GXYLT2: variants seen among roughly 807,000 people sequenced by gnomAD.
The protein encoded by GXYLT2 is glycosyltransferase 8 domain containing 4.
A neutral mutation model predicts 45.8 loss-of-function variants in GXYLT2; 53 were observed. That is an observed-to-expected ratio of 1.16 (90% CI 0.93 to 1.46). GXYLT2 has a LOEUF of 1.46. GXYLT2 is among the 40% of genes most tolerant of loss of function. The pLI, the probability that GXYLT2 is intolerant of heterozygous loss-of-function variation, is 0.00. For synonymous variants in GXYLT2, 219 were observed against 214.2 expected (o/e 1.02, Z -0.19); for missense variants, 551 against 544.4 (o/e 1.01, Z -0.12).
At chr3:72,905,383 G>T (rs1260696100) in intron 1 of GXYLT2, among the ~76,000 whole-genome samples, 1 of 152,166 alleles carries the variant, frequency 6.6e-6, no homozygotes, top group African/African-American at 2.4e-5. Context: ...CTCCTGCTGG[G>T]ATTATAGGCA....
intron 3 of GXYLT2, among the ~76,000 whole-genome samples, chr3:72,937,171 C>G (rs1224765373): frequency 6.6e-6 from 1 of 152,046 alleles, no homozygotes; most frequent in Non-Finnish European, 1.5e-5. Flanking sequence ...CCACCAGTGA[C>G]TCTTGGAACC....
At position 72,914,083 on chromosome 3, in the gene GXYLT2, T is replaced by G. The variant is rs565913082; in HGVS notation, c.468+5524T>G. ...ATTGTGGGCAACCCAGGGTTTTTTT[T>G]GGGATAACTTCTGGGAAGCTCAGGG... On this transcript the variant is annotated intron_variant, in intron 2 of 6. Coordinates refer to ENST00000389617, the MANE Select transcript of GXYLT2 (RefSeq NM_001080393.2). Among the ~76,000 whole-genome samples the G allele has an allele frequency of 2.0e-5, 3 of 152,230 alleles. No individual in the cohort carries two copies. In the East Asian group the frequency reaches 5.8e-4, roughly 29 times the overall value.
At chr3:72,893,636 T>C (rs1285979443) in intron 1 of GXYLT2, among the ~76,000 whole-genome samples, 1 of 152,214 alleles carries the variant, frequency 6.6e-6, no homozygotes, top group Non-Finnish European at 1.5e-5. Context: ...TAAATACTTG[T>C]TGAATGAACT....
intron 2 of GXYLT2, among the ~76,000 whole-genome samples, chr3:72,913,451 T>C (rs1709674579): frequency 6.6e-6 from 1 of 151,520 alleles, no homozygotes; most frequent in Admixed American, 6.6e-5. Context: ...TCCCAGCACT[T>C]TGGGAGGCCA....
chr3:72,888,117 C>T lies in GXYLT2; in HGVS notation c.-117C>T. On this transcript the variant is annotated 5_prime_UTR_variant, in exon 1 of 7. Transcript: ENST00000389617. Reference sequence around the variant, plus strand: ...GCCCGCCGGCCGCCACGACCCCAGTCCCCGGCGGGCGGGCGGAGGAGGCGA... The same window carrying T: ...GCCCGCCGGCCGCCACGACCCCAGTTCCCGGCGGGCGGGCGGAGGAGGCGA... 2 of 649,440 alleles carry T rather than the reference C, an allele frequency of 3.1e-6. No individual in the cohort carries two copies. Among genetic ancestry groups the T allele is most frequent in the South Asian group, 1.3e-4 (2 of 15,390 alleles). 40.2% of individuals were successfully genotyped at this position (649,440 alleles called of 1,614,324 possible). A position where few individuals can be genotyped will look rare whatever the true frequency, so the allele number is the denominator to read the frequency against.
At position 72,905,064 on chromosome 3, in the gene GXYLT2, CAAAAAAAAAAA is replaced by C. The variant is rs1177216917; in HGVS notation, c.276-3289_276-3279del. Among the ~76,000 whole-genome samples the C allele has an allele frequency of 4.7e-3, 171 of 36,248 alleles. 1 individual carries two copies. Among genetic ancestry groups the C allele is most frequent in the Non-Finnish European group, 9.8e-3 (145 of 14,772 alleles). The allele number at this position is 36,248 out of a possible 152,430, so 23.8% of individuals were successfully genotyped here. A position where few individuals can be genotyped will look rare whatever the true frequency, so the allele number is the denominator to read the frequency against. On this transcript the variant is annotated intron_variant, in intron 1 of 6. Coordinates refer to ENST00000389617, the MANE Select transcript of GXYLT2 (RefSeq NM_001080393.2). ...TGGGCAACAGAGTGAGATTCTGTCTCAAAAAAAAAAAAAAAAAAAAAAAAGGAAAGAAAAGA... is the reference window on the plus strand; with the variant it reads ...TGGGCAACAGAGTGAGATTCTGTCTCAAAAAAAAAAAAAGGAAAGAAAAGA...
At chr3:72,891,625 CT>C (rs1709184307) in intron 1 of GXYLT2, among the ~76,000 whole-genome samples, 1 of 152,150 alleles carries the variant, frequency 6.6e-6, no homozygotes, top group Non-Finnish European at 1.5e-5. Flanking sequence ...AATCTTCCTT[CT>C]ATTTTGGCTT....
rs370024978 is a variant in GXYLT2 at position 72,939,304 on chromosome 3, G to A, written c.601-15794G>A. ...TCTACTAAAAATACAAAAATTAGCC[G>A]GGCGTGGTGGCACCCAGCTACCTGG... On this transcript the variant is annotated intron_variant, in intron 3 of 6. Transcript: ENST00000389617. Among the ~76,000 whole-genome samples, 16 of 152,062 alleles carry A rather than the reference G, an allele frequency of 1.1e-4. 1 individual carries two copies. Among genetic ancestry groups the A allele is most frequent in the African/African-American group, 3.1e-4 (13 of 41,476 alleles).
At chr3:72,973,506 A>G (rs1482070818) in intron 6 of GXYLT2, among the ~76,000 whole-genome samples, 1 of 152,208 alleles carries the variant, frequency 6.6e-6, no homozygotes, top group Non-Finnish European at 1.5e-5. Context: ...CTGATTTATG[A>G]TTTAGAAATA....
At chr3:72,927,254 T>G (rs1346358065) in intron 3 of GXYLT2, 1 of 152,190 alleles carries the variant, frequency 6.6e-6, no homozygotes, top group Non-Finnish European at 1.5e-5. Flanking sequence ...AGTTATAGCT[T>G]TAACCTGTAA....
intron 3 of GXYLT2, among the ~76,000 whole-genome samples, chr3:72,925,759 T>A (rs1191588439): frequency 1.3e-5 from 2 of 151,186 alleles, no homozygotes; most frequent in African/African-American, 2.4e-5. Context: ...TACCATTATT[T>A]AAAAAAAAAC....
Position 72,922,253 on chromosome 3 carries a change from A to G in GXYLT2, c.518A>G (p.Tyr173Cys), listed in dbSNP as rs919485755. ...ACAAAGAAGTTTGAGCACAGAATCTACCCCATCACATTTTCTGTTGGAAAC... is the reference window on the plus strand; with the variant it reads ...ACAAAGAAGTTTGAGCACAGAATCTGCCCCATCACATTTTCTGTTGGAAAC... ...SYTKKFEHRIYPITFSVGNPQ... is the reference protein window; with the variant it reads ...SYTKKFEHRICPITFSVGNPQ... The change falls in exon 3 of 7, where the codon TAC becomes TGC. Residue 173 changes from tyrosine (Y) to cysteine (C), a missense_variant. Physicochemically the swap from Tyr to Cys is radical, Grantham distance 194 (BLOSUM62 -2). Transcript: ENST00000389617. 5.6e-6 allele frequency: 9 copies of G among 1,613,296 alleles called. No individual in the cohort carries two copies. In the African/African-American group the frequency reaches 9.4e-5, roughly 17 times the overall value.
intron 2 of GXYLT2, among the ~76,000 whole-genome samples, chr3:72,920,194 G>A (rs1391747137): frequency 6.6e-6 from 1 of 151,934 alleles, no homozygotes; most frequent in African/African-American, 2.4e-5. Flanking sequence ...GAGTGCAGTG[G>A]TCCAATCTTG....
chr3:72,943,305 C>T (rs1388661473), intron 3 of GXYLT2, among the ~76,000 whole-genome samples: 1 of 151,244 alleles, frequency 6.6e-6, no homozygotes, highest in African/African-American at 2.4e-5. Flanking sequence ...TGAATAAATA[C>T]AATAGAGTAC....
chr3:72,903,299 C>G (rs987590119), intron 1 of GXYLT2, among the ~76,000 whole-genome samples: 1 of 152,142 alleles, frequency 6.6e-6, no homozygotes, highest in Non-Finnish European at 1.5e-5. Context: ...GTTTGTTACG[C>G]TTTTTGTTTT....
intron 3 of GXYLT2, among the ~76,000 whole-genome samples, chr3:72,929,763 A>T (rs562136499): frequency 6.6e-5 from 10 of 152,362 alleles, no homozygotes; most frequent in African/African-American, 2.4e-4. Context: ...AGAATAGAGG[A>T]ACAACAAAAA....
At chr3:72,905,388 T>C (rs1230825504) in intron 1 of GXYLT2, among the ~76,000 whole-genome samples, 1 of 152,170 alleles carries the variant, frequency 6.6e-6, no homozygotes, top group African/African-American at 2.4e-5. Context: ...GCTGGGATTA[T>C]AGGCATGAGC....
intron 2 of GXYLT2, among the ~76,000 whole-genome samples, chr3:72,914,546 T>TGCGCGC (rs1553706008): frequency 2.8e-5 from 4 of 143,734 alleles, no homozygotes; most frequent in African/African-American, 8.1e-5. Context: ...TGTGTGTGTG[T>TGCGCGC]GCGCGCGCGC....
At chr3:72,891,023 GGGAGCA>G (rs553236452) in intron 1 of GXYLT2, among the ~76,000 whole-genome samples, 7 of 152,278 alleles carry the variant, frequency 4.6e-5, no homozygotes, top group African/African-American at 1.7e-4. Flanking sequence ...GAAGTTGTGA[GGGAGCA>G]GGAGGAAAGA....
Sources: gnomAD v4.1 joint callset for allele counts (sites outside exome capture counted in the v4.1 genomes callset) on GRCh38, gnomAD v4.1.1 for gene constraint, MANE v1.5 for transcripts, NCBI Gene and HGNC (gene_info 2026-07-23, HGNC 2026-07-21) for gene names.